The following STAG1 variants were observed in gnomAD, a reference collection of about 807,000 sequenced individuals.
STAG1 encodes the protein cohesin subunit SA-1.
STAG1 carries 26 observed loss-of-function variants against 170.9 expected under a neutral mutation model. That is an observed-to-expected ratio of 0.15 (90% CI 0.11 to 0.21). The LOEUF is 0.21. STAG1 is among the 10% of genes least tolerant of loss of function. STAG1 has a pLI of 1.00. For missense variants in STAG1, 964 were observed against 1,509.5 expected, an observed-to-expected ratio of 0.64 and a Z score of 5.99; for synonymous variants, 514 against 497.7, an observed-to-expected ratio of 1.03 and a Z score of -0.44.
At chr3:136,711,995 G>GT (rs1943395177) in intron 1 of STAG1, among the ~76,000 whole-genome samples, 1 of 152,080 alleles carries the variant, frequency 6.6e-6, no homozygotes, top group South Asian at 2.1e-4. Flanking sequence ...AAAACCTGAC[G>GT]TATGTACCTA....
chr3:136,708,251 A>G (rs1943280431), intron 1 of STAG1, among the ~76,000 whole-genome samples: 1 of 152,228 alleles, frequency 6.6e-6, no homozygotes, highest in African/African-American at 2.4e-5. Context: ...CAAATGAACT[A>G]AGAAATAAAT....
At chr3:136,466,346 C>T (rs542910998) in intron 12 of STAG1, among the ~76,000 whole-genome samples, 8 of 152,224 alleles carry the variant, frequency 5.3e-5, no homozygotes, top group Middle Eastern at 6.8e-3. Flanking sequence ...AGGAGAACTA[C>T]GTGACGAATG....
intron 7 of STAG1, among the ~76,000 whole-genome samples, chr3:136,520,794 T>C (rs903566183): frequency 3.0e-4 from 45 of 152,244 alleles, no homozygotes; most frequent in African/African-American, 9.4e-4. Context: ...GACAGAATTG[T>C]TTCAAGTATA....
In STAG1 at chr3:136,521,437, C is replaced by A. The variant is rs749460766; in HGVS notation, c.472-20G>T. On this transcript the variant is annotated intron_variant, in intron 6 of 33. Transcript: ENST00000383202. ...ACTGTCCTAAAAAACAGAAAAAGAA[C>A]ATATTAAGTATGTCACATTACAGAG... is the stretch of plus-strand genomic sequence containing the variant. The A allele has an allele frequency of 5.6e-6, 9 of 1,605,554 alleles. No individual in the cohort carries two copies. In the Admixed American group the frequency reaches 1.2e-4, roughly 21 times the overall value.
intron 4 of STAG1, among the ~76,000 whole-genome samples, chr3:136,580,112 C>A (rs553579864): frequency 6.6e-6 from 1 of 151,650 alleles, no homozygotes; most frequent in Non-Finnish European, 1.5e-5. Flanking sequence ...GGACTACAGG[C>A]GTGCACCACC....
chr3:136,404,007 A>G (rs2087411147), intron 21 of STAG1, among the ~76,000 whole-genome samples: 1 of 152,182 alleles, frequency 6.6e-6, no homozygotes, highest in African/African-American at 2.4e-5. Context: ...AGCTTATCAG[A>G]CACCATTTAG....
chr3:136,513,751 T>C (rs914986988), intron 7 of STAG1, among the ~76,000 whole-genome samples: 1 of 152,170 alleles, frequency 6.6e-6, no homozygotes, highest in African/African-American at 2.4e-5. Context: ...ATTTCCCAAA[T>C]TGTCTTTTTC....
At chr3:136,404,256 T>G (rs1476176192) in intron 21 of STAG1, among the ~76,000 whole-genome samples, 1 of 152,208 alleles carries the variant, frequency 6.6e-6, no homozygotes, top group Non-Finnish European at 1.5e-5. Context: ...GATCATCAAA[T>G]GACAGCAAGT....
chr3:136,416,837 T>C (rs991875184), intron 21 of STAG1, among the ~76,000 whole-genome samples: 5 of 148,216 alleles, frequency 3.4e-5, no homozygotes, highest in African/African-American at 1.0e-4. Flanking sequence ...ACTGTTTTCA[T>C]AATTAACTTT....
In STAG1 at chr3:136,361,360, G is replaced by T. The variant is rs149312608; in HGVS notation, c.2787+2006C>A. 2.4e-3 allele frequency among the ~76,000 whole-genome samples: 364 copies of T among 152,240 alleles called. 2 individuals are homozygous for T. Among genetic ancestry groups the T allele is most frequent in the East Asian group, 0.019 (99 of 5,180 alleles). On this transcript the variant is annotated intron_variant, in intron 26 of 33. Transcript: ENST00000383202. Reference sequence around the variant, plus strand: ...CTATTTCCAGTTTGTTACTATTACAGAGACTGCTGCAATAAAACATCTTTT... The same window carrying T: ...CTATTTCCAGTTTGTTACTATTACATAGACTGCTGCAATAAAACATCTTTT...
intron 22 of STAG1, among the ~76,000 whole-genome samples, chr3:136,386,112 C>T (rs1349828852): frequency 2.6e-5 from 4 of 152,068 alleles, no homozygotes; most frequent in Non-Finnish European, 5.9e-5. Context: ...CCGAGGCAGG[C>T]GGATCACAAG....
intron 14 of STAG1, among the ~76,000 whole-genome samples, chr3:136,447,670 G>A (rs996760077): frequency 4.5e-5 from 6 of 132,606 alleles, no homozygotes; most frequent in African/African-American, 1.4e-4. Context: ...GCAGTGGTGC[G>A]ATCTCGGCTC....
intron 21 of STAG1, among the ~76,000 whole-genome samples, chr3:136,400,909 G>A (rs576520757): frequency 6.6e-6 from 1 of 152,228 alleles, no homozygotes; most frequent in Admixed American, 6.5e-5. Flanking sequence ...TCTCTTTAAT[G>A]TCTGTCTTAA....
chr3:136,363,339 T>G, intron 26 of STAG1, 27 bp downstream of exon 26: 1 of 1,190,874 alleles, frequency 8.4e-7, no homozygotes, highest in Non-Finnish European at 1.2e-6. Context: ...TTTCCATTCT[T>G]TGTCTCCCTC....
rs976309624 is a variant in STAG1, at chr3:136,403,460, C to T, written c.2197-4631G>A. 2.9e-4 allele frequency among the ~76,000 whole-genome samples: 44 copies of T among 151,868 alleles called. 1 individual carries two copies. The highest frequency in any genetic ancestry group is 1.0e-3 in the African/African-American group (43 of 41,460). On this transcript the variant is annotated intron_variant, in intron 21 of 33. Coordinates refer to ENST00000383202, the MANE Select transcript of STAG1 (RefSeq NM_005862.3). ...AAACATTAGTGCTAAAAAAATTACC[C>T]TAATACACTAGAAGATGTTCAATGG...
chr3:136,356,938 A>T (rs527412707), intron 28 of STAG1, among the ~76,000 whole-genome samples: 11 of 149,648 alleles, frequency 7.4e-5, no homozygotes, highest in South Asian at 2.1e-4. Context: ...TATTTTTTTT[A>T]AATTTTTTAT....
At chr3:136,368,429 A>G (rs544435320) in intron 24 of STAG1, among the ~76,000 whole-genome samples, 1 of 152,322 alleles carries the variant, frequency 6.6e-6, no homozygotes, top group Admixed American at 6.5e-5. Flanking sequence ...AATATCAAAC[A>G]GTTAGGTTTT....
chr3:136,695,212 G>C (rs942801027), intron 1 of STAG1, among the ~76,000 whole-genome samples: 3 of 152,156 alleles, frequency 2.0e-5, no homozygotes, highest in African/African-American at 7.2e-5. Flanking sequence ...ATCAAGATAA[G>C]AAGATATGTG....
At chr3:136,712,959 C>T (rs1449935989) in intron 1 of STAG1, among the ~76,000 whole-genome samples, 2 of 152,034 alleles carry the variant, frequency 1.3e-5, no homozygotes, top group Non-Finnish European at 2.9e-5. Flanking sequence ...GGCACAGTGG[C>T]GGGTGCCTGT....
Sources: allele counts gnomAD v4.1 joint callset (sites outside exome capture counted in the v4.1 genomes callset), GRCh38; gene constraint gnomAD v4.1.1; transcripts MANE v1.5; gene names NCBI Gene and HGNC (gene_info 2026-07-23, HGNC 2026-07-21).